Variants in SMAD6 observed in about 807,000 individuals in gnomAD.
SMAD6 encodes the protein MAD homolog 6.
In SMAD6, 103 loss-of-function variants were observed where a neutral mutation model predicts 39.4. That is an observed-to-expected ratio of 2.62 (90% CI 2.23 to 3.08). The LOEUF is 3.08. Among genes scored for constraint, SMAD6 ranks in the 30% most tolerant of loss-of-function variants. SMAD6 has a pLI of 0.00. For missense variants in SMAD6, 1,104 were observed against 742.9 expected (o/e 1.49, Z -5.65); for synonymous variants, 445 against 353.3 (o/e 1.26, Z -2.91).
At chr15:66,713,551 C>T (rs1321232621) in intron 2 of SMAD6, among the ~76,000 whole-genome samples, 1 of 152,220 alleles carries the variant, frequency 6.6e-6, no homozygotes, top group East Asian at 1.9e-4. Context: ...ATCTCCTGAC[C>T]TTGTGATCTG....
At chr15:66,715,580 C>G (rs1893312450) in intron 2 of SMAD6, among the ~76,000 whole-genome samples, 1 of 152,128 alleles carries the variant, frequency 6.6e-6, no homozygotes, top group African/African-American at 2.4e-5. Flanking sequence ...ACACCCATTG[C>G]TGGTAGCAGA....
intron 3 of SMAD6, among the ~76,000 whole-genome samples, chr15:66,750,628 C>CA (rs1555437572): frequency 7.9e-5 from 12 of 151,946 alleles, no homozygotes; most frequent in East Asian, 1.9e-4. Flanking sequence ...TTTATTGAGG[C>CA]GGGGGGTTGA....
chr15:66,731,585 C>T (rs868584731), intron 3 of SMAD6, among the ~76,000 whole-genome samples: 8 of 152,182 alleles, frequency 5.3e-5, no homozygotes, highest in Non-Finnish European at 1.0e-4. Flanking sequence ...AGCAAATAGC[C>T]CTTTGTACCT....
rs1267060258 is a variant in SMAD6 at position 66,747,536 on chromosome 15, C to T, written c.952+31038C>T. 2.6e-5 allele frequency among the ~76,000 whole-genome samples: 4 copies of T among 152,218 alleles called. No homozygotes were observed. Among genetic ancestry groups the T allele is most frequent in the Non-Finnish European group, 5.9e-5 (4 of 68,036 alleles). ...GCTGGGAGATGCTGATTGCAGAGCC[C>T]GCCTGGCATTGGCACCACCCCATCT... is the stretch of plus-strand genomic sequence containing the variant. On this transcript the variant is annotated intron_variant, in intron 3 of 3. Coordinates refer to ENST00000288840, the MANE Select transcript of SMAD6 (RefSeq NM_005585.5). This position sits in a 1 kb window ranked among gnomAD's most constrained non-coding sequence, Gnocchi z 4.5.
intron 3 of SMAD6, among the ~76,000 whole-genome samples, chr15:66,776,338 C>T (rs1894468015): frequency 1.3e-5 from 2 of 152,246 alleles, no homozygotes; most frequent in African/African-American, 2.4e-5. Flanking sequence ...GCACCTCCTT[C>T]CTTCTGCACC....
intron 3 of SMAD6, among the ~76,000 whole-genome samples, chr15:66,738,977 C>T (rs965785160): frequency 2.0e-5 from 3 of 151,728 alleles, no homozygotes; most frequent in Non-Finnish European, 4.4e-5. Flanking sequence ...GTGGATCGTG[C>T]TGTCCTGCAG....
chr15:66,731,153 G>C (rs993234834), intron 3 of SMAD6, among the ~76,000 whole-genome samples: 2 of 152,150 alleles, frequency 1.3e-5, no homozygotes, highest in African/African-American at 4.8e-5. Context: ...AAGTTCCTTG[G>C]TGAGGCCGGG....
At chr15:66,716,659 T>G (rs1184494321) in intron 3 of SMAD6, among the ~76,000 whole-genome samples, 161 bp downstream of exon 3, 2 of 152,360 alleles carry the variant, frequency 1.3e-5, no homozygotes, top group African/African-American at 4.8e-5. Flanking sequence ...CAGTCCCTGG[T>G]GTTTTTGGGG....
Position 66,702,256 on chromosome 15 carries a change from T to G in SMAD6, c.-1003T>G, listed in dbSNP as rs1415816819. 2 of 152,162 alleles carry G rather than the reference T, an allele frequency of 1.3e-5. No homozygotes were observed. The highest frequency in any genetic ancestry group is 2.4e-5 in the African/African-American group (1 of 41,414). The allele number at this position is 152,162 out of a possible 1,614,324, so 9.4% of individuals were successfully genotyped here. On this transcript the variant is annotated 5_prime_UTR_variant, in exon 1 of 4. The change abolishes an upstream ATG in the 5' untranslated region. Coordinates refer to ENST00000288840, the MANE Select transcript of SMAD6 (RefSeq NM_005585.5). ...CTGGCATATGATGGGAGGCAGCCAA[T>G]GACTCCGCGGCGCTCCTCCGGGGGC...
rs1893026758 is a variant in SMAD6, at chr15:66,703,503, GGCGCCGGC to G, written c.250_257del (p.Arg85GlyfsTer33). ...CAGCGAGGCGCCCAGGGCGCGGGGAGGCGCCGGCGCGCAGGGGGCCCCCCGAGGCCCAT... is the reference window on the plus strand; with the variant it reads ...CAGCGAGGCGCCCAGGGCGCGGGGAGGCGCAGGGGGCCCCCCGAGGCCCAT... On this transcript the variant is annotated frameshift_variant, in exon 1 of 4. Transcript: ENST00000288840. LOFTEE classifies it high-confidence loss of function. 2 of 1,225,704 alleles carry G rather than the reference GGCGCCGGC, an allele frequency of 1.6e-6. No individual in the cohort carries two copies. Among genetic ancestry groups the G allele is most frequent in the Non-Finnish European group, 2.0e-6 (2 of 980,544 alleles). The allele number at this position is 1,225,704 out of a possible 1,614,324, so 75.9% of individuals were successfully genotyped here.
chr15:66,765,270 G>C (rs1894268952), intron 3 of SMAD6, among the ~76,000 whole-genome samples: 1 of 152,146 alleles, frequency 6.6e-6, no homozygotes, highest in South Asian at 2.1e-4. Context: ...TGTCGCCCAG[G>C]CTGGAGTGCA....
Position 66,781,136 on chromosome 15 carries a change from C to G in SMAD6, c.1092C>G (p.Ser364Arg). 1 of 1,608,448 alleles carries G rather than the reference C, an allele frequency of 6.2e-7. No homozygotes were observed. Among genetic ancestry groups the G allele is most frequent in the Non-Finnish European group, 8.5e-7 (1 of 1,179,746 alleles). The part of the protein sequence containing the change: ...VSIFYDLPQG[S>R]GFCLGQLNLE... ...TCTTCTACGACCTACCTCAGGGCAGCGGCTTCTGCCTGGGCCAGCTCAACC... is the reference window on the plus strand; with the variant it reads ...TCTTCTACGACCTACCTCAGGGCAGGGGCTTCTGCCTGGGCCAGCTCAACC... The change falls in exon 4 of 4, where the codon AGC becomes AGG. Residue 364 changes from serine to arginine, a missense_variant. Transcript: ENST00000288840.
In SMAD6 at chr15:66,703,348, C is replaced by CGGT. The variant is rs1046189206; in HGVS notation, c.93_95dup (p.Gly33dup). On this transcript the variant is annotated inframe_insertion, in exon 1 of 4. Coordinates refer to ENST00000288840, the MANE Select transcript of SMAD6 (RefSeq NM_005585.5). ...GGGAGGAAGGCGGCAGCGGCGGCGG[C>CGGT]GGTGGCGGCGACGAGGATGGGAGCT... 1.4e-6 allele frequency: 2 copies of CGGT among 1,477,420 alleles called. No homozygotes were observed. The highest frequency in any genetic ancestry group is 1.5e-5 in the African/African-American group (1 of 67,736). 91.5% of individuals were successfully genotyped at this position (1,477,420 alleles called of 1,614,324 possible).
chr15:66,778,665 G>A (rs1408844157), intron 3 of SMAD6, among the ~76,000 whole-genome samples: 2 of 152,210 alleles, frequency 1.3e-5, no homozygotes, highest in Admixed American at 6.5e-5. Flanking sequence ...GAGGTAGAGG[G>A]ACTTGCTCAG....
chr15:66,705,696 C>G (rs1893096878), intron 1 of SMAD6: 1 of 152,266 alleles, frequency 6.6e-6, no homozygotes, highest in Non-Finnish European at 1.5e-5. Context: ...GTGCTGGGTG[C>G]TGTGGCTAAC....
intron 3 of SMAD6, among the ~76,000 whole-genome samples, chr15:66,731,311 G>A (rs990758455): frequency 2.7e-5 from 4 of 150,798 alleles, no homozygotes; most frequent in South Asian, 2.1e-4. Context: ...AGTGGCGGGC[G>A]CCTGTAGTCC....
At chr15:66,714,587 C>T (rs1893292255) in intron 2 of SMAD6, among the ~76,000 whole-genome samples, 1 of 152,134 alleles carries the variant, frequency 6.6e-6, no homozygotes. Context: ...ACCTCTGGCC[C>T]TTTATAGAAA....
chr15:66,766,923 A>G (rs745795007), intron 3 of SMAD6, among the ~76,000 whole-genome samples: 5 of 152,216 alleles, frequency 3.3e-5, no homozygotes, highest in Non-Finnish European at 7.3e-5. Flanking sequence ...TGGCAATAAA[A>G]GACCAAATAG....
chr15:66,736,891 A>G (rs183388958), intron 3 of SMAD6, among the ~76,000 whole-genome samples: 67 of 152,150 alleles, frequency 4.4e-4, no homozygotes, highest in African/African-American at 1.5e-3. Context: ...GATGGTCTCA[A>G]TCTCTCGACC....
Sources: allele counts gnomAD v4.1 joint callset (sites outside exome capture counted in the v4.1 genomes callset), GRCh38; gene constraint gnomAD v4.1.1; non-coding constraint Gnocchi (gnomAD v3.1); transcripts MANE v1.5; gene names NCBI Gene and HGNC (gene_info 2026-07-23, HGNC 2026-07-21).